Variants in CFI observed in about 807,000 individuals in gnomAD.
CFI encodes the protein complement factor I.
Under a neutral mutation model 78.8 loss-of-function variants are expected in CFI, and 66 were observed. That is an observed-to-expected ratio of 0.84 (90% CI 0.69 to 1.03). The LOEUF is 1.03. CFI is among the 50% of genes least tolerant of loss of function. CFI has a pLI of 0.00. For synonymous variants in CFI, 250 were observed against 232.6 expected, an observed-to-expected ratio of 1.07 and a Z score of -0.68; for missense variants, 706 against 704.5, an observed-to-expected ratio of 1.00 and a Z score of -0.02.
intron 7 of CFI, among the ~76,000 whole-genome samples, chr4:109,753,170 T>A: frequency 6.3e-4 from 2 of 3,154 alleles, no homozygotes; most frequent in Non-Finnish European, 0.056. Flanking sequence ...AAATAAATAT[T>A]TATAATATAT....
intron 10 of CFI, 100 bp from the exon 11 acceptor site, chr4:109,746,602 T>TGTA: frequency 9.8e-7 from 1 of 1,015,870 alleles, no homozygotes; most frequent in Admixed American, 2.8e-5. Flanking sequence ...AAAACCTTTT[T>TGTA]CATTTCCCCA....
intron 1 of CFI, chr4:109,793,300 T>C (rs566436451): frequency 2.6e-5 from 4 of 152,242 alleles, no homozygotes; most frequent in Admixed American, 1.3e-4. Flanking sequence ...TTATACATTG[T>C]GCACTGTTAA....
chr4:109,753,407 AT>A (rs1175717090), intron 7 of CFI, among the ~76,000 whole-genome samples: 258 of 3,784 alleles, frequency 0.068, 33 homozygotes, highest in Non-Finnish European at 0.49. Flanking sequence ...ATATATATTT[AT>A]TATATAAATA....
intron 11 of CFI, among the ~76,000 whole-genome samples, chr4:109,743,120 A>T (rs546534065): frequency 1.3e-5 from 2 of 152,070 alleles, no homozygotes; most frequent in Non-Finnish European, 2.9e-5. Flanking sequence ...GGGATTTAAG[A>T]TTTTCTTCCT....
downstream of CFI, among the ~76,000 whole-genome samples, chr4:109,736,510 G>T (rs1441446752): frequency 6.6e-6 from 1 of 152,218 alleles, no homozygotes; most frequent in African/African-American, 2.4e-5. Context: ...AAAGTGAAGG[G>T]CAAGAGATGG....
chr4:109,768,717 C>G (rs747926457), intron 1 of CFI, among the ~76,000 whole-genome samples: 2 of 152,176 alleles, frequency 1.3e-5, no homozygotes, highest in Non-Finnish European at 2.9e-5. Flanking sequence ...GCAGTGAGCC[C>G]CGCTCCTTCC....
At position 109,763,421 on chromosome 4, in the gene CFI, A is replaced by G. The variant is rs146902762; in HGVS notation, c.482+1116T>C. ...TCTTTAATTTAGTAGAAATTATAAAAGGAAAAAGGACAAAAGCACACAAAA... is the reference window on the plus strand; with the variant it reads ...TCTTTAATTTAGTAGAAATTATAAAGGGAAAAAGGACAAAAGCACACAAAA... On this transcript the variant is annotated intron_variant, in intron 3 of 12. Coordinates refer to ENST00000394634, the MANE Select transcript of CFI (RefSeq NM_000204.5). 4.3e-3 allele frequency among the ~76,000 whole-genome samples: 650 copies of G among 152,190 alleles called. 8 individuals are homozygous for G. The highest frequency in any genetic ancestry group is 0.015 in the African/African-American group (612 of 41,544).
rs2126191474 is a variant in CFI at position 109,749,511 on chromosome 4, C to T, written c.1032G>A (p.Lys344=). The T allele has an allele frequency of 1.9e-6, 3 of 1,612,694 alleles. No individual in the cohort carries two copies. Among genetic ancestry groups the T allele is most frequent in the Non-Finnish European group, 1.7e-6 (2 of 1,178,670 alleles). ...CATGCGACTTTACCAGTTGTGCTCG[C>T]TTTCCTCCCACAATTCGTTTCCTTC... is the stretch of plus-strand genomic sequence containing the variant. ...HIRRKRIVGG[K]RAQLGDLPWQ... is the part of the protein sequence containing the mutation. The change falls in exon 9 of 13, where the codon AAG becomes AAA. Residue 344 remains lysine, a synonymous_variant. Transcript: ENST00000394634.
At chr4:109,745,409 C>G (rs1724292481) in intron 11 of CFI, among the ~76,000 whole-genome samples, 1 of 152,164 alleles carries the variant, frequency 6.6e-6, no homozygotes, top group Non-Finnish European at 1.5e-5. Context: ...CTCAAGTGAT[C>G]ACCTGCCTCG....
At chr4:109,778,233 T>C (rs1352810702) in intron 1 of CFI, among the ~76,000 whole-genome samples, 4 of 152,116 alleles carry the variant, frequency 2.6e-5, no homozygotes, top group Non-Finnish European at 5.9e-5. Flanking sequence ...GCTAGACTGC[T>C]AGCAAGACTA....
intron 6 of CFI, 86 bp from the exon 7 acceptor site, chr4:109,757,869 G>A: frequency 7.6e-7 from 1 of 1,308,828 alleles, no homozygotes; most frequent in East Asian, 2.5e-5. Context: ...CATATATCAT[G>A]AAAACCATTG....
In CFI at chr4:109,746,099, G is replaced by A. The variant is rs930722680; in HGVS notation, c.1429+123C>T. The stretch of plus-strand genomic sequence containing the variant: ...CCCATGAAGCCAGCCATGGCTGGAT[G>A]TTTACTTTTCTGGATATGATGTTAT... On this transcript the variant is annotated intron_variant, in intron 11 of 12. Transcript: ENST00000394634. 1.3e-5 allele frequency: 16 copies of A among 1,197,756 alleles called. No homozygotes were observed. In the African/African-American group the frequency reaches 2.1e-4, roughly 16 times the overall value. 74.2% of individuals were successfully genotyped at this position (1,197,756 alleles called of 1,614,324 possible). A position where few individuals can be genotyped will look rare whatever the true frequency, so the allele number is the denominator to read the frequency against.
At chr4:109,768,160 A>T (rs1167135121) in intron 1 of CFI, among the ~76,000 whole-genome samples, 1 of 150,074 alleles carries the variant, frequency 6.7e-6, no homozygotes, top group African/African-American at 2.5e-5. Flanking sequence ...GAAGGATAGC[A>T]TTTGGAGATA....
At chr4:109,771,714 C>CAAAAAAAAAAAAAAAAA (rs149565381) in intron 1 of CFI, among the ~76,000 whole-genome samples, 4 of 18,116 alleles carry the variant, frequency 2.2e-4, no homozygotes, top group African/African-American at 3.5e-4. Context: ...ACTCCATCAC[C>CAAAAAAAAAAAAAAAAA]AAAAAAAAAA....
At chr4:109,749,636 C>T (rs1254508241) in intron 8 of CFI, 34 bp from the exon 9 acceptor site, 1 of 1,406,436 alleles carries the variant, frequency 7.1e-7, no homozygotes, top group Non-Finnish European at 1.0e-6. Flanking sequence ...TCATTATTAT[C>T]TTGAACCCAT....
chr4:109,763,900 T>C (rs1403800358), intron 3 of CFI, among the ~76,000 whole-genome samples: 1 of 150,750 alleles, frequency 6.6e-6, no homozygotes, highest in Non-Finnish European at 1.5e-5. Flanking sequence ...AAATTACATA[T>C]GGGGCAAAGA....
intron 10 of CFI, among the ~76,000 whole-genome samples, chr4:109,748,517 T>A (rs575323421): frequency 8.5e-5 from 13 of 152,202 alleles, no homozygotes; most frequent in African/African-American, 2.4e-4. Flanking sequence ...TCAGGGAAGG[T>A]TCCCTAAGGA....
At chr4:109,755,293 G>A (rs758058938) in intron 7 of CFI, among the ~76,000 whole-genome samples, 8 of 152,134 alleles carry the variant, frequency 5.3e-5, no homozygotes, top group Admixed American at 1.3e-4. Flanking sequence ...AAGAAAACCC[G>A]CAGGCATTAT....
chr4:109,761,834 T>C, intron 3 of CFI, 142 bp from the exon 4 acceptor site: 1 of 693,514 alleles, frequency 1.4e-6, no homozygotes, highest in Non-Finnish European at 2.5e-6. Context: ...ACCGAAACTC[T>C]GAGCCTCAGT....
Sources: gnomAD v4.1 joint callset for allele counts (sites outside exome capture counted in the v4.1 genomes callset) on GRCh38, gnomAD v4.1.1 for gene constraint, MANE v1.5 for transcripts, NCBI Gene and HGNC (gene_info 2026-07-23, HGNC 2026-07-21) for gene names.